Variants in PDZRN3 observed in about 807,000 individuals in gnomAD.
PDZRN3 encodes the protein E3 ubiquitin-protein ligase PDZRN3.
Under a neutral mutation model 85.7 loss-of-function variants are expected in PDZRN3, and 38 were observed. The ratio of observed to expected loss-of-function variants is 0.44; its 90% CI spans 0.34 to 0.58. The LOEUF is 0.58. Among genes scored for constraint, PDZRN3 ranks in the 20% least tolerant of loss-of-function variants. PDZRN3 has a pLI of 0.01. For synonymous variants in PDZRN3, 759 were observed against 638.0 expected, an observed-to-expected ratio of 1.19 and a Z score of -2.86; for missense variants, 1,629 against 1,506.4, an observed-to-expected ratio of 1.08 and a Z score of -1.35.
At chr3:73,391,167 G>A (rs1360050020) in intron 5 of PDZRN3, 51 bp from the exon 6 acceptor site, 1 of 1,082,314 alleles carries the variant, frequency 9.2e-7, no homozygotes, top group East Asian at 2.4e-5. Context: ...AATGCGAGTT[G>A]AGGGGATGTC....
At chr3:73,402,138 G>T (rs948434480) in intron 4 of PDZRN3, among the ~76,000 whole-genome samples, 1 of 152,196 alleles carries the variant, frequency 6.6e-6, no homozygotes, top group South Asian at 2.1e-4. Flanking sequence ...ACCTGAAGAG[G>T]CCTGACCTCT....
chr3:73,529,069 T>C (rs1273348978), intron 3 of PDZRN3, among the ~76,000 whole-genome samples: 1 of 152,130 alleles, frequency 6.6e-6, no homozygotes, highest in East Asian at 1.9e-4. Flanking sequence ...TTGTTTTGTG[T>C]CTCTGTGGCT....
At chr3:73,532,721 G>A (rs1418523452) in intron 3 of PDZRN3, among the ~76,000 whole-genome samples, 1 of 152,184 alleles carries the variant, frequency 6.6e-6, no homozygotes, top group Non-Finnish European at 1.5e-5. Context: ...AGATGACCTC[G>A]CAGAAAGAGC....
intron 3 of PDZRN3, among the ~76,000 whole-genome samples, chr3:73,523,471 A>G (rs1460729263): frequency 1.3e-5 from 2 of 152,176 alleles, no homozygotes; most frequent in African/African-American, 4.8e-5. Context: ...ATATATGTAC[A>G]CATTAATATA....
At chr3:73,613,447 T>C (rs1363815220) in intron 1 of PDZRN3, among the ~76,000 whole-genome samples, 2 of 152,024 alleles carry the variant, frequency 1.3e-5, no homozygotes, top group African/African-American at 2.4e-5. Flanking sequence ...ACGGTGAACT[T>C]AGGAACGGTG....
chr3:73,513,732 A>G (rs950560263), intron 3 of PDZRN3, among the ~76,000 whole-genome samples: 11 of 152,198 alleles, frequency 7.2e-5, no homozygotes, highest in African/African-American at 2.7e-4. Flanking sequence ...CCAAAGAAAT[A>G]TTACTCTCCC....
At position 73,391,009 on chromosome 3, in the gene PDZRN3, C is replaced by T; in HGVS notation, c.1353+9G>A. 6.3e-7 allele frequency: 1 copy of T among 1,590,452 alleles called. No homozygotes were observed. The highest frequency in any genetic ancestry group is 1.7e-5 in the Admixed American group (1 of 59,750). ...ACGATAGTTAGAAAAACAAAATCAG[C>T]CTTTGTACCTCACTGATATAAATCC... On this transcript the variant is annotated intron_variant, in intron 6 of 9. Coordinates refer to ENST00000263666, the MANE Select transcript of PDZRN3 (RefSeq NM_015009.3).
intron 3 of PDZRN3, among the ~76,000 whole-genome samples, chr3:73,531,367 C>T (rs72891734): frequency 0.017 from 2,629 of 152,146 alleles, 92 homozygotes; most frequent in African/African-American, 0.06. Context: ...GGCTTCTCCA[C>T]GGTCAGTCAT....
intron 3 of PDZRN3, among the ~76,000 whole-genome samples, chr3:73,535,770 T>A (rs894037914): frequency 6.6e-6 from 1 of 152,186 alleles, no homozygotes; most frequent in Admixed American, 6.5e-5. Flanking sequence ...GGTGTAAATC[T>A]CGCCCATAAT....
intron 3 of PDZRN3, among the ~76,000 whole-genome samples, chr3:73,510,202 T>C (rs1704138471): frequency 1.3e-5 from 2 of 152,218 alleles, no homozygotes; most frequent in Non-Finnish European, 2.9e-5. Context: ...TGTAGCTAAC[T>C]CTGTCCATTT....
intron 3 of PDZRN3, among the ~76,000 whole-genome samples, chr3:73,533,672 G>C (rs1466449190): frequency 1.3e-5 from 2 of 152,074 alleles, no homozygotes; most frequent in Admixed American, 1.3e-4. Flanking sequence ...GAAGTCATCA[G>C]TTGCCCCTGC....
intron 3 of PDZRN3, among the ~76,000 whole-genome samples, chr3:73,563,525 A>G (rs1483100728): frequency 6.6e-6 from 1 of 152,164 alleles, no homozygotes. Context: ...TGGAATCAGA[A>G]GTCTACTTTC....
chr3:73,391,665 C>T (rs760931927), intron 5 of PDZRN3, among the ~76,000 whole-genome samples: 10 of 152,280 alleles, frequency 6.6e-5, no homozygotes, highest in Admixed American at 2.6e-4. Flanking sequence ...TAGTTTCAGC[C>T]GCTATTACTG....
intron 3 of PDZRN3, chr3:73,434,086 A>C: frequency 2.7e-6 from 1 of 375,484 alleles, no homozygotes; most frequent in Non-Finnish European, 3.7e-6. Context: ...AATGATACAG[A>C]AGCTATAATT....
intron 3 of PDZRN3, among the ~76,000 whole-genome samples, chr3:73,519,487 C>G (rs536613111): frequency 6.6e-6 from 1 of 152,198 alleles, no homozygotes; most frequent in Non-Finnish European, 1.5e-5. Flanking sequence ...TGTACTGTTT[C>G]AAGTTCTTCC....
intron 3 of PDZRN3, among the ~76,000 whole-genome samples, chr3:73,475,749 G>C (rs1277780429): frequency 2.0e-5 from 3 of 152,184 alleles, no homozygotes; most frequent in Non-Finnish European, 2.9e-5. Flanking sequence ...ACTGTAAGAT[G>C]AGCCATGCCC....
Position 73,612,769 on chromosome 3 carries a change from T to C in PDZRN3, c.724-4085A>G, listed in dbSNP as rs565261257. 5.3e-5 allele frequency among the ~76,000 whole-genome samples: 8 copies of C among 152,326 alleles called. No individual in the cohort carries two copies. The East Asian group carries it at 1.5e-3, about 29-fold the overall frequency. ...GCAACATCAGAGTCAGAACCTGTGATGTTTCCTCATCCACAGAAAGGGAAT... is the reference window on the plus strand; with the variant it reads ...GCAACATCAGAGTCAGAACCTGTGACGTTTCCTCATCCACAGAAAGGGAAT... On this transcript the variant is annotated intron_variant, in intron 1 of 9. Coordinates refer to ENST00000263666, the MANE Select transcript of PDZRN3 (RefSeq NM_015009.3).
intron 3 of PDZRN3, among the ~76,000 whole-genome samples, chr3:73,444,313 T>A (rs771659162): frequency 6.6e-6 from 1 of 152,220 alleles, no homozygotes; most frequent in Non-Finnish European, 1.5e-5. Flanking sequence ...CCAGAGGATT[T>A]GCTGCCATCT....
intron 3 of PDZRN3, among the ~76,000 whole-genome samples, chr3:73,592,206 T>C (rs1446703285): frequency 6.6e-6 from 1 of 152,214 alleles, no homozygotes; most frequent in Non-Finnish European, 1.5e-5. Context: ...TGGAAACATA[T>C]GTCCATTTCC....
Sources: gnomAD v4.1 joint callset for allele counts (sites outside exome capture counted in the v4.1 genomes callset) on GRCh38, gnomAD v4.1.1 for gene constraint, MANE v1.5 for transcripts, NCBI Gene and HGNC (gene_info 2026-07-23, HGNC 2026-07-21) for gene names.